The following DIAPH3 variants were observed in gnomAD, a reference collection of about 807,000 sequenced individuals.
DIAPH3 encodes protein diaphanous homolog 3.
In DIAPH3, 117 loss-of-function variants were observed where a neutral mutation model predicts 144.3. The ratio of observed to expected loss-of-function variants is 0.81; its 90% confidence interval spans 0.70 to 0.95. The LOEUF (loss-of-function observed/expected upper bound fraction) is 0.95. DIAPH3 is among the 40% of genes least tolerant of loss of function. The probability of loss-of-function intolerance (pLI) is 0.00; values close to 1 mark genes in which losing one functional copy is unlikely to be tolerated. For missense variants in DIAPH3, 1,421 were observed against 1,412.7 expected (o/e 1.01, Z -0.09); for synonymous variants, 519 against 488.9 (o/e 1.06, Z -0.81).
intron 14 of DIAPH3, among the ~76,000 whole-genome samples, chr13:59,974,908 C>T (rs2050582717): frequency 6.6e-6 from 1 of 151,960 alleles, no homozygotes; most frequent in Non-Finnish European, 1.5e-5. Flanking sequence ...TTTTTTATTA[C>T]TAAACAACTC....
intron 17 of DIAPH3, among the ~76,000 whole-genome samples, chr13:59,963,794 G>A (rs2049903800): frequency 6.6e-6 from 1 of 152,176 alleles, no homozygotes; most frequent in South Asian, 2.1e-4. Context: ...CTGGCCTCAA[G>A]CAATCCTCCT....
At chr13:59,822,065 A>T (rs2139642706) in intron 24 of DIAPH3, among the ~76,000 whole-genome samples, 1 of 152,246 alleles carries the variant, frequency 6.6e-6, no homozygotes, top group African/African-American at 2.4e-5. Context: ...CTTTGCTATG[A>T]GTTTCTTTGC....
At chr13:59,806,987 A>G (rs993924860) in intron 25 of DIAPH3, among the ~76,000 whole-genome samples, 3 of 151,912 alleles carry the variant, frequency 2.0e-5, no homozygotes, top group Non-Finnish European at 4.4e-5. Context: ...TTCAAATGTT[A>G]TAAAAATCAT....
intron 1 of DIAPH3, chr13:60,144,859 T>C (rs761750784): frequency 2.0e-4 from 31 of 152,240 alleles, no homozygotes; most frequent in Non-Finnish European, 1.9e-4. Context: ...CCAGCTTGAT[T>C]AGAGGTGCTA....
chr13:59,719,702 C>T (rs1479073379), intron 27 of DIAPH3, among the ~76,000 whole-genome samples: 1 of 152,120 alleles, frequency 6.6e-6, no homozygotes, highest in African/African-American at 2.4e-5. Flanking sequence ...CTGGCTGTTA[C>T]TGTCTTCTTT....
chr13:59,755,912 C>A (rs532971730), intron 27 of DIAPH3, among the ~76,000 whole-genome samples: 1 of 152,158 alleles, frequency 6.6e-6, no homozygotes, highest in Non-Finnish European at 1.5e-5. Context: ...AAAATAATAG[C>A]TATTATTATG....
chr13:59,787,832 T>A (rs554095734), intron 25 of DIAPH3, among the ~76,000 whole-genome samples: 1 of 152,258 alleles, frequency 6.6e-6, no homozygotes, highest in African/African-American at 2.4e-5. Flanking sequence ...TGGGAGGTGA[T>A]GAGATCATAA....
intron 20 of DIAPH3, among the ~76,000 whole-genome samples, chr13:59,892,261 G>A (rs1036436132): frequency 6.6e-6 from 1 of 151,834 alleles, no homozygotes; most frequent in African/African-American, 2.4e-5. Flanking sequence ...AGAGGAAACA[G>A]CAAGAGGAAA....
intron 14 of DIAPH3, among the ~76,000 whole-genome samples, chr13:59,977,110 G>C (rs1225666929): frequency 1.3e-5 from 2 of 151,622 alleles, no homozygotes; most frequent in African/African-American, 4.8e-5. Context: ...AGAGTGGTAG[G>C]TTCTGAAGAC....
intron 27 of DIAPH3, among the ~76,000 whole-genome samples, chr13:59,708,950 C>A (rs1658385748): frequency 6.6e-6 from 1 of 151,934 alleles, no homozygotes; most frequent in African/African-American, 2.4e-5. Flanking sequence ...AAAAAGTTAC[C>A]AGGTATCAGG....
At chr13:59,802,848 AT>A (rs1247284909) in intron 25 of DIAPH3, among the ~76,000 whole-genome samples, 4 of 145,922 alleles carry the variant, frequency 2.7e-5, no homozygotes, top group East Asian at 4.0e-4. Flanking sequence ...CGCCCGGCTA[AT>A]TTTTTTTTGT....
intron 9 of DIAPH3, among the ~76,000 whole-genome samples, chr13:59,997,815 G>T (rs551223930): frequency 6.6e-6 from 1 of 152,052 alleles, no homozygotes; most frequent in African/African-American, 2.4e-5. Context: ...GTTCATCCTG[G>T]GTATAAGTAG....
intron 1 of DIAPH3, among the ~76,000 whole-genome samples, chr13:60,139,300 A>C (rs1396658785): frequency 6.6e-6 from 1 of 152,196 alleles, no homozygotes; most frequent in African/African-American, 2.4e-5. Flanking sequence ...ATGTTTTTTC[A>C]GTCCAAGGTG....
chr13:59,962,187 TAG>T (rs1594139674), intron 17 of DIAPH3, among the ~76,000 whole-genome samples: 2 of 152,030 alleles, frequency 1.3e-5, no homozygotes, highest in East Asian at 3.9e-4. Context: ...CTGCACAAAT[TAG>T]AGAGTCTAAA....
chr13:60,108,138 A>T (rs1235776909), intron 3 of DIAPH3, among the ~76,000 whole-genome samples: 2 of 152,224 alleles, frequency 1.3e-5, no homozygotes, highest in African/African-American at 4.8e-5. Context: ...AAACCAATGG[A>T]TGATACTGCA....
At chr13:60,040,121 G>T (rs2055535085) in intron 5 of DIAPH3, among the ~76,000 whole-genome samples, 1 of 150,830 alleles carries the variant, frequency 6.6e-6, no homozygotes, top group Non-Finnish European at 1.5e-5. Flanking sequence ...CAGCTACTCG[G>T]GAGGCTGAGG....
At chr13:59,858,155 C>T (rs962586876) in intron 22 of DIAPH3, among the ~76,000 whole-genome samples, 7 of 152,046 alleles carry the variant, frequency 4.6e-5, no homozygotes, top group African/African-American at 1.2e-4. Context: ...GAATTGAAAA[C>T]ATCACCTAAA....
chr13:60,048,269 T>C (rs2056178860), intron 4 of DIAPH3, among the ~76,000 whole-genome samples: 1 of 152,106 alleles, frequency 6.6e-6, no homozygotes. Context: ...AGCCAGCAAG[T>C]AGATGTAGGG....
intron 17 of DIAPH3, among the ~76,000 whole-genome samples, chr13:59,962,243 A>G (rs2049806558): frequency 6.6e-6 from 1 of 152,250 alleles, no homozygotes; most frequent in Non-Finnish European, 1.5e-5. Context: ...TGACAGTCAA[A>G]GAAGTGGACC....
Sources: allele counts gnomAD v4.1 joint callset (sites outside exome capture counted in the v4.1 genomes callset), GRCh38; gene constraint gnomAD v4.1.1; transcripts MANE v1.5; gene names NCBI Gene and HGNC (gene_info 2026-07-23, HGNC 2026-07-21).